YLPM1: variants seen among roughly 807,000 people sequenced by gnomAD.
YLPM1 encodes the protein YLP motif-containing protein 1.
In YLPM1, 99 loss-of-function variants were observed where a neutral mutation model predicts 230.0. The ratio of observed to expected loss-of-function variants is 0.43; its 90% CI spans 0.37 to 0.51. YLPM1 has a LOEUF of 0.51. YLPM1 is among the 20% of genes least tolerant of loss of function. The probability of loss-of-function intolerance (pLI) is 0.00; values close to 1 mark genes in which losing one functional copy is unlikely to be tolerated. For missense variants in YLPM1, 2,592 were observed against 2,707.7 expected, an observed-to-expected ratio of 0.96 and a Z score of 0.95; for synonymous variants, 984 against 942.5, an observed-to-expected ratio of 1.04 and a Z score of -0.81.
intron 4 of YLPM1, among the ~76,000 whole-genome samples, chr14:74,786,830 C>T (rs2091155042): frequency 6.6e-6 from 1 of 152,060 alleles, no homozygotes; most frequent in African/African-American, 2.4e-5. Context: ...ATTGGAATTG[C>T]CTGATTATAG....
At chr14:74,768,478 C>T (rs1356095172) in intron 1 of YLPM1, among the ~76,000 whole-genome samples, 1 of 152,110 alleles carries the variant, frequency 6.6e-6, no homozygotes, top group Non-Finnish European at 1.5e-5. Context: ...AACTCCTGAC[C>T]TCAAGTGATC....
At chr14:74,824,587 T>C (rs940404283) in intron 18 of YLPM1, among the ~76,000 whole-genome samples, 1 of 152,144 alleles carries the variant, frequency 6.6e-6, no homozygotes, top group Non-Finnish European at 1.5e-5. Flanking sequence ...ATCTATTCTT[T>C]TATATTAATC....
chr14:74,821,276 G>T, intron 17 of YLPM1, 139 bp downstream of exon 17: 1 of 1,258,186 alleles, frequency 7.9e-7, no homozygotes, highest in Non-Finnish European at 1.0e-6. Flanking sequence ...TCTTCAAGGA[G>T]ACTTTTGGAT....
In YLPM1 at chr14:74,798,583, G is replaced by C; in HGVS notation, c.3286G>C (p.Gly1096Arg). ...AAGCAGTCGGGAGAAAGTGCCAGGT[G>C]GTCTTCAAGGGAGCCAGGACAGGGG... ...PGSSREKVPG[G>R]LQGSQDRGAA... The change falls in exon 5 of 21, where the codon GGT (glycine) becomes CGT (arginine). Residue 1096 changes from glycine to arginine, a missense_variant. Physicochemically the swap from Gly to Arg is moderately radical, Grantham distance 125. Transcript: ENST00000325680. 6.2e-7 allele frequency: 1 copy of C among 1,613,594 alleles called. No homozygotes were observed. Among genetic ancestry groups the C allele is most frequent in the Non-Finnish European group, 8.5e-7 (1 of 1,179,654 alleles).
At chr14:74,799,831 G>A (rs1189112936) in intron 5 of YLPM1, 134 bp downstream of exon 5, 1 of 1,349,732 alleles carries the variant, frequency 7.4e-7, no homozygotes, top group African/African-American at 1.5e-5. Flanking sequence ...TTATATTTCT[G>A]GTCATTCAGT....
chr14:74,817,325 AATG>A, intron 15 of YLPM1, 48 bp downstream of exon 15: 1 of 1,495,462 alleles, frequency 6.7e-7, no homozygotes, highest in South Asian at 1.3e-5. Context: ...TGCGCTGCAT[AATG>A]ATGTTTTGGT....
intron 16 of YLPM1, among the ~76,000 whole-genome samples, chr14:74,820,645 G>A (rs928371789): frequency 6.6e-6 from 1 of 152,072 alleles, no homozygotes; most frequent in Non-Finnish European, 1.5e-5. Flanking sequence ...GCTTATTTGC[G>A]TTGCTACCAC....
intron 1 of YLPM1, among the ~76,000 whole-genome samples, chr14:74,768,526 C>T (rs149609369): frequency 6.6e-6 from 1 of 152,126 alleles, no homozygotes; most frequent in African/African-American, 2.4e-5. Flanking sequence ...GGATTATAGA[C>T]GTGAGCCACT....
intron 6 of YLPM1, among the ~76,000 whole-genome samples, chr14:74,804,716 G>A (rs2091359699): frequency 6.6e-6 from 1 of 152,122 alleles, no homozygotes. Context: ...CATTTTGAGT[G>A]TCTGTTTTCT....
rs757243353 is a variant in YLPM1, at chr14:74,763,800, C to T, written c.311C>T (p.Pro104Leu). 1.3e-6 allele frequency: 2 copies of T among 1,512,052 alleles called. No homozygotes were observed. Among genetic ancestry groups the T allele is most frequent in the Non-Finnish European group, 8.8e-7 (1 of 1,130,928 alleles). The allele number at this position is 1,512,052 out of a possible 1,614,324, so 93.7% of individuals were successfully genotyped here. ...GGGYGDWQPPPPPMPPPPGPA... is the reference protein window; with the variant it reads ...GGGYGDWQPPLPPMPPPPGPA... ...GGCTACGGAGACTGGCAGCCGCCAC[C>T]GCCACCGATGCCCCCGCCACCCGGG... The change falls in exon 1 of 21, where the codon CCG becomes CTG. Residue 104 changes from proline (P) to leucine (L), a missense_variant. Physicochemically the swap from Pro to Leu is moderately conservative, Grantham distance 98 (BLOSUM62 -3). Coordinates refer to ENST00000325680, the MANE Select transcript of YLPM1 (RefSeq NM_019589.3).
intron 1 of YLPM1, among the ~76,000 whole-genome samples, chr14:74,773,912 G>A (rs1269976841): frequency 6.6e-6 from 1 of 151,724 alleles, no homozygotes; most frequent in Non-Finnish European, 1.5e-5. Flanking sequence ...GTAGAGGCGA[G>A]GTTTCACCGT....
chr14:74,773,884 C>T (rs2091005109), intron 1 of YLPM1, among the ~76,000 whole-genome samples: 3 of 151,984 alleles, frequency 2.0e-5, no homozygotes, highest in African/African-American at 7.2e-5. Flanking sequence ...CCACACCCTA[C>T]TAATTTTTGT....
intron 4 of YLPM1, among the ~76,000 whole-genome samples, chr14:74,790,132 A>G (rs1183434807): frequency 6.6e-6 from 1 of 152,142 alleles, no homozygotes; most frequent in Non-Finnish European, 1.5e-5. Context: ...AATCTTTATA[A>G]TATCAAGGCT....
In YLPM1 at chr14:74,764,116, C is replaced by T; in HGVS notation, c.627C>T (p.Ser209=). 5 of 1,613,566 alleles carry T rather than the reference C, an allele frequency of 3.1e-6. No homozygotes were observed. The highest frequency in any genetic ancestry group is 4.2e-6 in the Non-Finnish European group (5 of 1,179,790). Residue 209 remains serine (S), a synonymous_variant, in exon 1 of 21, where the codon TCC becomes TCT. Coordinates refer to ENST00000325680, the MANE Select transcript of YLPM1 (RefSeq NM_019589.3). ...TGGCGCCCACCCCTTCTTACTCATC[C>T]TCCTCCTCTTCCTCGCAATCCTATT... The part of the protein sequence containing the change: ...SYLAPTPSYS[S]SSSSSQSYLS...
In YLPM1 at chr14:74,763,933, A is replaced by G; in HGVS notation, c.444A>G (p.Glu148=). Residue 148 remains glutamate, a synonymous_variant, in exon 1 of 21, where the codon GAA becomes GAG. Transcript: ENST00000325680. ...LVPMELESPP[E]SPPVPPGSYM... ...CAATGGAGCTGGAATCCCCCCCTGA[A>G]TCTCCCCCTGTGCCGCCTGGGTCCT... 1.1e-6 allele frequency: 1 copy of G among 909,574 alleles called. No homozygotes were observed. Among genetic ancestry groups the G allele is most frequent in the South Asian group, 2.5e-5 (1 of 40,136 alleles). 56.3% of individuals were successfully genotyped at this position (909,574 alleles called of 1,614,324 possible). A position where few individuals can be genotyped will look rare whatever the true frequency, so the allele number is the denominator to read the frequency against.
At chr14:74,811,337 G>T (rs2091432482) in intron 9 of YLPM1, among the ~76,000 whole-genome samples, 4 of 151,982 alleles carry the variant, frequency 2.6e-5, no homozygotes, top group Admixed American at 1.3e-4. Context: ...ACAAAAGTTG[G>T]CTGGGTGTGG....
Position 74,835,333 on chromosome 14 carries a change from A to T in YLPM1, c.6363A>T (p.Gly2121=). ...DRKRAIGFVV[G]QTDWEKITDE... ...AAAGGGCCATAGGTTTTGTGGTCGG[A>T]CAGACTGATTGGGAGAAGATCACAG... Residue 2121 remains glycine (G), a synonymous_variant, in exon 20 of 21, where the codon GGA becomes GGT. Transcript: ENST00000325680. 1 of 1,613,822 alleles carries T rather than the reference A, an allele frequency of 6.2e-7. No homozygotes were observed.
At position 74,773,893 on chromosome 14, in the gene YLPM1, G is replaced by A. The variant is rs559649812; in HGVS notation, c.874-4554G>A. On this transcript the variant is annotated intron_variant, in intron 1 of 20. Coordinates refer to ENST00000325680, the MANE Select transcript of YLPM1 (RefSeq NM_019589.3). ...GTGCCACCACACCCTACTAATTTTT[G>A]TATTTTTAGTAGAGGCGAGGTTTCA... Among the ~76,000 whole-genome samples, 9 of 151,710 alleles carry A rather than the reference G, an allele frequency of 5.9e-5. No homozygotes were observed. In the South Asian group the frequency reaches 1.9e-3, roughly 32 times the overall value.
At chr14:74,821,253 G>GT (rs2091518022) in intron 17 of YLPM1, 116 bp downstream of exon 17, 1 of 1,350,992 alleles carries the variant, frequency 7.4e-7, no homozygotes, top group Non-Finnish European at 9.7e-7. Context: ...AGTGGTAAAA[G>GT]TTTCCATAAT....
Sources: allele counts gnomAD v4.1 joint callset (sites outside exome capture counted in the v4.1 genomes callset), GRCh38; gene constraint gnomAD v4.1.1; transcripts MANE v1.5; gene names NCBI Gene and HGNC (gene_info 2026-07-23, HGNC 2026-07-21).